CACNA1C: variants seen among roughly 807,000 people sequenced by gnomAD.
The protein encoded by CACNA1C is voltage-dependent L-type calcium channel subunit alpha-1C.
CACNA1C carries 30 observed loss-of-function variants against 229.0 expected under a neutral mutation model. That is an observed-to-expected ratio of 0.13 (90% CI 0.10 to 0.18). The LOEUF (loss-of-function observed/expected upper bound fraction) is 0.18. CACNA1C is among the 10% of genes least tolerant of loss of function. The pLI is 1.00. For synonymous variants in CACNA1C, 1,114 were observed against 1,132.5 expected (o/e 0.98, Z 0.33); for missense variants, 1,658 against 2,845.0 (o/e 0.58, Z 9.49).
In CACNA1C at chr12:2,652,520, A is replaced by T. The variant is rs11062294; in HGVS notation, c.4074+752A>T. 5.4e-3 allele frequency among the ~76,000 whole-genome samples: 820 copies of T among 152,234 alleles called. 9 individuals carry two copies. The highest frequency in any genetic ancestry group is 0.019 in the African/African-American group (788 of 41,560). On this transcript the variant is annotated intron_variant, in intron 32 of 46. Transcript: ENST00000399655. ...GCGGAACGCAGGCTTCTCTCCCCCCATGGAGGGGCCGCTCTCAGCCTTTCC... is the reference window on the plus strand; with the variant it reads ...GCGGAACGCAGGCTTCTCTCCCCCCTTGGAGGGGCCGCTCTCAGCCTTTCC...
intron 3 of CACNA1C, among the ~76,000 whole-genome samples, chr12:2,177,775 T>A (rs1488971543): frequency 6.6e-6 from 1 of 152,110 alleles, no homozygotes; most frequent in Non-Finnish European, 1.5e-5. Context: ...TAGCTGGGAT[T>A]ATAGGCTTCT....
At chr12:2,609,978 A>G (rs2153447519) in intron 27 of CACNA1C, among the ~76,000 whole-genome samples, 1 of 152,232 alleles carries the variant, frequency 6.6e-6, no homozygotes, top group East Asian at 1.9e-4. Flanking sequence ...ACAAAAAATT[A>G]GCTGGGCGTT....
chr12:2,267,783 C>T lies in CACNA1C; in HGVS notation c.477+147353C>T, dbSNP rs182480212. On this transcript the variant is annotated intron_variant, in intron 3 of 46. Coordinates refer to ENST00000399655, the MANE Select transcript of CACNA1C (RefSeq NM_000719.7). ...GTTGGAATGTGTCTGCGGAGGGCAG[C>T]GAGGAAGGAGCCTGCTGGAATTCCT... Among the ~76,000 whole-genome samples the T allele has an allele frequency of 8.4e-4, 128 of 152,260 alleles. 1 individual carries two copies. The highest frequency in any genetic ancestry group is 2.9e-3 in the African/African-American group (120 of 41,564).
chr12:2,316,605 G>A (rs2095703209), intron 3 of CACNA1C, among the ~76,000 whole-genome samples: 1 of 152,174 alleles, frequency 6.6e-6, no homozygotes, highest in East Asian at 1.9e-4. Flanking sequence ...CTCATGAATA[G>A]GTGGAATAGC....
At position 2,650,427 on chromosome 12, in the gene CACNA1C, T is replaced by C. The variant is rs566773631; in HGVS notation, c.3946-1213T>C. 7.0e-4 allele frequency among the ~76,000 whole-genome samples: 106 copies of C among 152,192 alleles called. 1 individual carries two copies. The highest frequency in any genetic ancestry group is 2.5e-3 in the African/African-American group (103 of 41,546). On this transcript the variant is annotated intron_variant, in intron 31 of 46. Coordinates refer to ENST00000399655, the MANE Select transcript of CACNA1C (RefSeq NM_000719.7). ...GGAGTGGGGAGGGCCCAGGTGGCCC[T>C]AGTAACAACCTGAGCCCTCCCACCT...
Position 2,677,723 on chromosome 12 carries a change from T to C in CACNA1C, c.4957-10T>C. 6.2e-7 allele frequency: 1 copy of C among 1,612,160 alleles called. No homozygotes were observed. Among genetic ancestry groups the C allele is most frequent in the South Asian group, 1.1e-5 (1 of 90,608 alleles). On this transcript the variant is annotated splice_polypyrimidine_tract_variant and intron_variant, in intron 40 of 46. Transcript: ENST00000399655. The surrounding 1 kb of genome is among the most constrained non-coding windows in gnomAD (Gnocchi z 7.4). Reference sequence around the variant, plus strand: ...AGCGTGGTCCTCACCATCCTCCCCTTGGATTCCAGGCTGGCTTGCGCACAC... The same window carrying C: ...AGCGTGGTCCTCACCATCCTCCCCTCGGATTCCAGGCTGGCTTGCGCACAC...
intron 3 of CACNA1C, among the ~76,000 whole-genome samples, chr12:2,379,149 G>A (rs1415974961): frequency 6.6e-6 from 1 of 152,176 alleles, no homozygotes; most frequent in Non-Finnish European, 1.5e-5. Flanking sequence ...CCCTTTGACA[G>A]AACCGAGGGA....
At position 2,474,767 on chromosome 12, in the gene CACNA1C, A is replaced by AG. The variant is rs971684256; in HGVS notation, c.758-11337_758-11336insG. 3.4e-4 allele frequency among the ~76,000 whole-genome samples: 51 copies of AG among 151,764 alleles called. 1 individual carries two copies. The South Asian group carries it at 9.8e-3, about 29-fold the overall frequency. On this transcript the variant is annotated intron_variant, in intron 5 of 46. Coordinates refer to ENST00000399655, the MANE Select transcript of CACNA1C (RefSeq NM_000719.7). ...GCGAAACTCCATCTCAAAAAAAAAA[A>AG]AAAAAGAAAGAAAGAAAAAGAAAAA...
chr12:2,140,081 T>C (rs2093994149), intron 3 of CACNA1C, among the ~76,000 whole-genome samples: 1 of 151,178 alleles, frequency 6.6e-6, no homozygotes, highest in Non-Finnish European at 1.5e-5. Context: ...GCTAGGAGCT[T>C]TGGAGGGCGT....
intron 3 of CACNA1C, among the ~76,000 whole-genome samples, chr12:2,148,903 G>T (rs1424908977): frequency 6.6e-6 from 1 of 152,300 alleles, no homozygotes; most frequent in South Asian, 2.1e-4. Context: ...GCAGCCTGGC[G>T]GGTGGCCCTG....
intron 3 of CACNA1C, among the ~76,000 whole-genome samples, chr12:2,436,113 A>G (rs1397418799): frequency 3.3e-5 from 5 of 152,274 alleles, no homozygotes; most frequent in Middle Eastern, 3.4e-3. Flanking sequence ...GGAGAAGACA[A>G]GATATGGAGG....
Position 2,486,231 on chromosome 12 carries a change from C to T in CACNA1C, c.885C>T (p.His295=). The change falls in exon 6 of 47, where the codon CAC becomes CAT. Residue 295 remains histidine, a synonymous_variant. Transcript: ENST00000399655. This position sits in a 1 kb window ranked among gnomAD's most constrained non-coding sequence, Gnocchi z 4.9. ...TGGAGCTCTTCATGGGGAAGATGCA[C>T]AAGACCTGCTACAACCAGGAGGGCA... is the stretch of plus-strand genomic sequence containing the variant. ...IGLELFMGKM[H]KTCYNQEGIA... is the part of the protein sequence containing the mutation. 1 of 1,613,634 alleles carries T rather than the reference C, an allele frequency of 6.2e-7. No homozygotes were observed. Among genetic ancestry groups the T allele is most frequent in the South Asian group, 1.1e-5 (1 of 91,038 alleles).
At chr12:2,377,449 G>C (rs550033018) in intron 3 of CACNA1C, among the ~76,000 whole-genome samples, 2 of 152,146 alleles carry the variant, frequency 1.3e-5, no homozygotes, top group Non-Finnish European at 2.9e-5. Context: ...GGAACTCACC[G>C]ACCAGCCTAG....
In CACNA1C at chr12:2,632,124, A is replaced by T. The variant is rs2090705134; in HGVS notation, c.3829-2173A>T. On this transcript the variant is annotated intron_variant, in intron 29 of 46. Coordinates refer to ENST00000399655, the MANE Select transcript of CACNA1C (RefSeq NM_000719.7). The surrounding 1 kb of genome is among the most constrained non-coding windows in gnomAD (Gnocchi z 4.1). ...TCCACCTCCTGGAAGCCCAGAGGGC[A>T]GGCAAATACTGGTCCCACTGAAAAA... is the stretch of plus-strand genomic sequence containing the variant. 6.6e-6 allele frequency among the ~76,000 whole-genome samples: 1 copy of T among 152,192 alleles called. No individual in the cohort carries two copies. Among genetic ancestry groups the T allele is most frequent in the African/African-American group, 2.4e-5 (1 of 41,444 alleles).
At chr12:2,052,775 G>A (rs1298615838), upstream of CACNA1C, among the ~76,000 whole-genome samples, 1 of 145,528 alleles carries the variant, frequency 6.9e-6, no homozygotes, top group Non-Finnish European at 1.5e-5. Flanking sequence ...GCGGGCGCCG[G>A]GAGGGGGCCC....
intron 3 of CACNA1C, among the ~76,000 whole-genome samples, chr12:2,206,990 G>A (rs1011764678): frequency 6.6e-6 from 1 of 152,190 alleles, no homozygotes; most frequent in Non-Finnish European, 1.5e-5. Flanking sequence ...GAAAAGTCTT[G>A]AGTTACATTT....
At chr12:2,099,270 G>A (rs1023146515) in intron 1 of CACNA1C, among the ~76,000 whole-genome samples, 2 of 152,232 alleles carry the variant, frequency 1.3e-5, no homozygotes, top group Non-Finnish European at 2.9e-5. Context: ...CCGTCTTACT[G>A]TGTTACTTTA....
intron 14 of CACNA1C, among the ~76,000 whole-genome samples, chr12:2,582,103 A>C (rs2153224356): frequency 6.6e-6 from 1 of 151,542 alleles, no homozygotes; most frequent in South Asian, 2.1e-4. Flanking sequence ...ACCACTGCAC[A>C]CTCTAGCCTA....
rs146725065 is a variant in CACNA1C at position 2,283,720 on chromosome 12, T to C, written c.477+163290T>C. ...GGAGATCCAGGATGGGGATCCAAGA[T>C]GATGCATTTGGAACAAGCTCCCAGA... On this transcript the variant is annotated intron_variant, in intron 3 of 46. Transcript: ENST00000399655. Among the ~76,000 whole-genome samples, 283 of 152,278 alleles carry C rather than the reference T, an allele frequency of 1.9e-3. 1 individual carries two copies. The highest frequency in any genetic ancestry group is 6.6e-3 in the African/African-American group (276 of 41,554).
Sources: allele counts gnomAD v4.1 joint callset (sites outside exome capture counted in the v4.1 genomes callset), GRCh38; gene constraint gnomAD v4.1.1; non-coding constraint Gnocchi (gnomAD v3.1); transcripts MANE v1.5; gene names NCBI Gene and HGNC (gene_info 2026-07-23, HGNC 2026-07-21).